Variants in ITPR2 observed in about 807,000 individuals in gnomAD.
ITPR2 encodes inositol 1,4,5-trisphosphate receptor type 2.
ITPR2 carries 207 observed loss-of-function variants against 317.1 expected under a neutral mutation model. The observed-to-expected ratio is 0.65, with a 90% confidence interval of 0.58 to 0.73. The LOEUF is 0.73. Among genes scored for constraint, ITPR2 ranks in the 30% least tolerant of loss-of-function variants. The pLI is 0.00. For synonymous variants in ITPR2, 1,156 were observed against 1,149.1 expected, an observed-to-expected ratio of 1.01 and a Z score of -0.12; for missense variants, 2,613 against 3,284.0, an observed-to-expected ratio of 0.80 and a Z score of 4.99.
intron 55 of ITPR2, among the ~76,000 whole-genome samples, chr12:26,368,397 T>C (rs1417968533): frequency 1.3e-5 from 2 of 152,026 alleles, no homozygotes; most frequent in African/African-American, 4.8e-5. Flanking sequence ...TATGTGTAGA[T>C]TGAAGAATTA....
At position 26,657,772 on chromosome 12, in the gene ITPR2, G is replaced by T. The variant is rs1947404714; in HGVS notation, c.2127C>A (p.Ile709=). The T allele has an allele frequency of 6.2e-7, 1 of 1,614,162 alleles. No individual in the cohort carries two copies. The highest frequency in any genetic ancestry group is 8.5e-7 in the Non-Finnish European group (1 of 1,180,020). ...DSNKEPHGKA[I]RHLAQEAKEG... ...CTTTTGCCTCTTGAGCAAGGTGCCT[G>T]ATAGCTTTGCCATGAGGTTCCTTGT... is the stretch of plus-strand genomic sequence containing the variant. The change falls in exon 18 of 57, where the codon ATC becomes ATA. Residue 709 remains isoleucine (I), a synonymous_variant. Transcript: ENST00000381340.
chr12:26,456,718 G>A (rs1450039834), intron 45 of ITPR2, among the ~76,000 whole-genome samples: 2 of 152,078 alleles, frequency 1.3e-5, no homozygotes, highest in African/African-American at 2.4e-5. Flanking sequence ...TGTCACCCAG[G>A]CTGGAGTGCA....
chr12:26,430,993 C>T (rs1941190790), intron 48 of ITPR2, among the ~76,000 whole-genome samples: 1 of 152,094 alleles, frequency 6.6e-6, no homozygotes, highest in Non-Finnish European at 1.5e-5. Context: ...TACTATTGTG[C>T]CTTATTCATT....
intron 9 of ITPR2, among the ~76,000 whole-genome samples, chr12:26,697,667 G>C (rs1190756347): frequency 6.6e-6 from 1 of 152,040 alleles, no homozygotes; most frequent in Non-Finnish European, 1.5e-5. Flanking sequence ...AAATTAGCTG[G>C]GCATGGTGGC....
chr12:26,537,417 G>C (rs1374505152), intron 37 of ITPR2, among the ~76,000 whole-genome samples: 1 of 152,136 alleles, frequency 6.6e-6, no homozygotes, highest in African/African-American at 2.4e-5. Context: ...CATCCTCAAA[G>C]GTGCACCCAA....
At chr12:26,821,098 T>A (rs1281677084) in intron 1 of ITPR2, among the ~76,000 whole-genome samples, 1 of 152,248 alleles carries the variant, frequency 6.6e-6, no homozygotes, top group African/African-American at 2.4e-5. Flanking sequence ...TTAATATCAC[T>A]GAATTATATC....
At chr12:26,531,654 TACACACACAC>T (rs144906868) in intron 37 of ITPR2, among the ~76,000 whole-genome samples, 7 of 138,784 alleles carry the variant, frequency 5.0e-5, no homozygotes, top group South Asian at 2.2e-4. Context: ...TTACTGTATT[TACACACACAC>T]ACACACACAC....
At chr12:26,489,886 T>C (rs757455251) in intron 39 of ITPR2, among the ~76,000 whole-genome samples, 6 of 152,086 alleles carry the variant, frequency 3.9e-5, no homozygotes, top group African/African-American at 1.2e-4. Context: ...AAAACCCCCA[T>C]GGAACTGGCA....
In ITPR2 at chr12:26,655,756, G is replaced by A. The variant is rs1332140902; in HGVS notation, c.2541C>T (p.Asn847=). The change falls in exon 20 of 57, where the codon AAC becomes AAT. Residue 847 remains asparagine, a synonymous_variant. Coordinates refer to ENST00000381340, the MANE Select transcript of ITPR2 (RefSeq NM_002223.4). ...CTTTATCCCCAAAAGGAAAGGGCTGGTTTACAACTTCTTTCAAATATTCTT... is the reference window on the plus strand; with the variant it reads ...CTTTATCCCCAAAAGGAAAGGGCTGATTTACAACTTCTTTCAAATATTCTT... ...FVEEYLKEVV[N]QPFPFGDKEK... 4 of 1,613,024 alleles carry A rather than the reference G, an allele frequency of 2.5e-6. No homozygotes were observed. The highest frequency in any genetic ancestry group is 1.1e-5 in the South Asian group (1 of 91,074).
intron 35 of ITPR2, 124 bp downstream of exon 35, chr12:26,561,638 T>G: frequency 1.4e-6 from 1 of 739,854 alleles, no homozygotes; most frequent in East Asian, 3.2e-5. Context: ...AGTAGAGAGT[T>G]GTAAAGCAAG....
At chr12:26,558,900 G>T (rs1944736988) in intron 35 of ITPR2, among the ~76,000 whole-genome samples, 1 of 152,108 alleles carries the variant, frequency 6.6e-6, no homozygotes, top group South Asian at 2.1e-4. Context: ...TTTCAACTCA[G>T]CCTCAAATTC....
chr12:26,514,376 C>A (rs886091328), intron 37 of ITPR2, among the ~76,000 whole-genome samples: 1 of 152,204 alleles, frequency 6.6e-6, no homozygotes, highest in Non-Finnish European at 1.5e-5. Flanking sequence ...GTATTTACTG[C>A]AGTCATGATG....
At chr12:26,568,003 ATAT>A (rs1477280290) in intron 34 of ITPR2, among the ~76,000 whole-genome samples, 2 of 5,458 alleles carry the variant, frequency 3.7e-4, no homozygotes, top group African/African-American at 9.2e-4. Context: ...TATATTATAT[ATAT>A]TATATATATA....
intron 55 of ITPR2, among the ~76,000 whole-genome samples, chr12:26,386,202 T>C (rs1284452427): frequency 6.6e-6 from 1 of 152,128 alleles, no homozygotes; most frequent in East Asian, 1.9e-4. Flanking sequence ...TGAATATATA[T>C]CCTTAAAATG....
chr12:26,450,447 C>T (rs1941710505), intron 45 of ITPR2, among the ~76,000 whole-genome samples: 2 of 32,122 alleles, frequency 6.2e-5, no homozygotes, highest in African/African-American at 2.4e-4. Flanking sequence ...TGAGGTCCTT[C>T]ATAAGAACAC....
chr12:26,418,898 A>T, intron 50 of ITPR2, 151 bp downstream of exon 50: 1 of 627,414 alleles, frequency 1.6e-6, no homozygotes, highest in East Asian at 3.1e-5. Context: ...AATGATAATA[A>T]TTCACGCTTT....
chr12:26,768,355 G>A (rs1949762917), intron 2 of ITPR2, among the ~76,000 whole-genome samples: 1 of 148,780 alleles, frequency 6.7e-6, no homozygotes, highest in African/African-American at 2.5e-5. Context: ...CATGGCACAT[G>A]TATACATATG....
At chr12:26,384,694 A>C (rs1939615997) in intron 55 of ITPR2, among the ~76,000 whole-genome samples, 1 of 152,208 alleles carries the variant, frequency 6.6e-6, no homozygotes, top group African/African-American at 2.4e-5. Flanking sequence ...CTAGGTCATA[A>C]AATCCAAAGG....
chr12:26,561,902 T>A lies in ITPR2; in HGVS notation c.4681A>T (p.Thr1561Ser). The change falls in exon 35 of 57, where the codon ACT (threonine) becomes TCT (serine). Residue 1561 changes from threonine to serine, a missense_variant. Thr to Ser is a moderately conservative substitution (Grantham distance 58, BLOSUM62 1). Transcript: ENST00000381340. Reference sequence around the variant, plus strand: ...TTTGAATGGCTCTTCATGAAAAGAGTATTAACTTGGCTGTCCAAATCCACT... The same window carrying A: ...TTTGAATGGCTCTTCATGAAAAGAGAATTAACTTGGCTGTCCAAATCCACT... ...IPVDLDSQVNTLFMKSHSNMV... is the reference protein window; with the variant it reads ...IPVDLDSQVNSLFMKSHSNMV... 2 of 1,567,250 alleles carry A rather than the reference T, an allele frequency of 1.3e-6. No homozygotes were observed. Among genetic ancestry groups the A allele is most frequent in the South Asian group, 2.5e-5 (2 of 81,042 alleles).
Sources: gnomAD v4.1 joint callset for allele counts (sites outside exome capture counted in the v4.1 genomes callset) on GRCh38, gnomAD v4.1.1 for gene constraint, MANE v1.5 for transcripts, NCBI Gene and HGNC (gene_info 2026-07-23, HGNC 2026-07-21) for gene names.